The following EXTL3 variants were observed in gnomAD, a reference collection of about 807,000 sequenced individuals.
The protein encoded by EXTL3 is exostosin-like 3.
In EXTL3, 27 loss-of-function variants were observed where a neutral mutation model predicts 69.3. That is an observed-to-expected ratio of 0.39 (90% CI 0.29 to 0.54). The LOEUF (loss-of-function observed/expected upper bound fraction) is 0.54. EXTL3 is among the 20% of genes least tolerant of loss of function. The pLI is 0.69. For synonymous variants in EXTL3, 511 were observed against 499.4 expected (o/e 1.02, Z -0.31); for missense variants, 1,003 against 1,231.8 (o/e 0.81, Z 2.78).
chr8:28,710,714 T>A (rs1007300707), intron 1 of EXTL3, among the ~76,000 whole-genome samples: 21 of 151,416 alleles, frequency 1.4e-4, no homozygotes, highest in African/African-American at 3.9e-4. Flanking sequence ...CTGGCTAATT[T>A]AAATTTTTTT....
chr8:28,725,543 A>C (rs1162139520), intron 3 of EXTL3, among the ~76,000 whole-genome samples: 1 of 152,238 alleles, frequency 6.6e-6, no homozygotes, highest in East Asian at 1.9e-4. Context: ...ATATTCTGTA[A>C]ATAGAATGGC....
chr8:28,618,176 G>C (rs559489607), upstream of EXTL3, among the ~76,000 whole-genome samples: 3 of 151,978 alleles, frequency 2.0e-5, no homozygotes, highest in Admixed American at 1.3e-4. Context: ...TAATAAAAAA[G>C]ACAGTGAAGC....
At position 28,717,696 on chromosome 8, in the gene EXTL3, G is replaced by C. The variant is rs143705855; in HGVS notation, c.1637G>C (p.Arg546Pro). The change falls in exon 3 of 7, where the codon CGG becomes CCG. Residue 546 changes from arginine (R) to proline (P), a missense_variant. Arg to Pro is a moderately radical substitution (Grantham distance 103). Coordinates refer to ENST00000220562, the MANE Select transcript of EXTL3 (RefSeq NM_001440.4). The surrounding 1 kb of genome is among the most constrained non-coding windows in gnomAD (Gnocchi z 8.3). Reference sequence around the variant, plus strand: ...ATCCAGATCCCAGCCGCTCCCATCCGGGAAGAGGCGGCAGCTGAGATCCCC... The same window carrying C: ...ATCCAGATCCCAGCCGCTCCCATCCCGGAAGAGGCGGCAGCTGAGATCCCC... ...TRIQIPAAPIREEAAAEIPHR... is the reference protein window; with the variant it reads ...TRIQIPAAPIPEEAAAEIPHR... The C allele has an allele frequency of 6.2e-7, 1 of 1,614,210 alleles. No individual in the cohort carries two copies. Among genetic ancestry groups the C allele is most frequent in the Non-Finnish European group, 8.5e-7 (1 of 1,180,038 alleles).
At chr8:28,720,570 G>T (rs1198942749) in intron 3 of EXTL3, among the ~76,000 whole-genome samples, 1 of 152,168 alleles carries the variant, frequency 6.6e-6, no homozygotes, top group Non-Finnish European at 1.5e-5. Flanking sequence ...TGCATAAAAA[G>T]ATCTAGCTTA....
In EXTL3 at chr8:28,743,198, G is replaced by A. The variant is rs1253956158; in HGVS notation, c.2534G>A (p.Arg845Gln). 24 of 1,614,048 alleles carry A rather than the reference G, an allele frequency of 1.5e-5. No homozygotes were observed. Among genetic ancestry groups the A allele is most frequent in the Non-Finnish European group, 1.9e-5 (22 of 1,180,026 alleles). Residue 845 changes from arginine to glutamine, a missense_variant, in exon 6 of 7, where the codon CGG (arginine) becomes CAG (glutamine). Around this residue, in one of 2 missense-constraint regions of EXTL3, gnomAD observed 261 missense variants for 416.4 expected, o/e 0.63. Transcript: ENST00000220562. ...AMNFLVSHITRKPPIKVTSRW... is the reference protein window; with the variant it reads ...AMNFLVSHITQKPPIKVTSRW... ...AACTTCCTTGTCTCCCACATCACTC[G>A]GAAGCCCCCCATCAAGGTGAGGTCC...
At chr8:28,671,618 C>T (rs1311560664) in intron 1 of EXTL3, among the ~76,000 whole-genome samples, 1 of 152,154 alleles carries the variant, frequency 6.6e-6, no homozygotes, top group Non-Finnish European at 1.5e-5. Context: ...GGATTACAGG[C>T]ATGAGCCTCC....
chr8:28,650,420 C>T (rs1388892789), intron 1 of EXTL3, among the ~76,000 whole-genome samples: 2 of 151,572 alleles, frequency 1.3e-5, no homozygotes, highest in African/African-American at 2.4e-5. Context: ...TGCAGTGGCG[C>T]GATATCAGCT....
At chr8:28,695,944 G>A (rs551944137) in intron 1 of EXTL3, among the ~76,000 whole-genome samples, 2 of 152,004 alleles carry the variant, frequency 1.3e-5, no homozygotes, top group East Asian at 1.9e-4. Context: ...TTAAGACATG[G>A]TCTCGCTTTG....
Position 28,737,789 on chromosome 8 carries a change from G to T in EXTL3, c.2421+126G>T. The stretch of plus-strand genomic sequence containing the variant: ...CATGTTTCTTTTGTGCTAGAAGTCA[G>T]TTTTTTCTATTTTTACAGACAATGA... On this transcript the variant is annotated intron_variant, in intron 5 of 6. Transcript: ENST00000220562. The T allele has an allele frequency of 1.6e-5, 18 of 1,124,560 alleles. No individual in the cohort carries two copies. The South Asian group carries it at 2.1e-4, about 13-fold the overall frequency. 69.7% of individuals were successfully genotyped at this position (1,124,560 alleles called of 1,614,324 possible). A position where few individuals can be genotyped will look rare whatever the true frequency, so the allele number is the denominator to read the frequency against.
At position 28,683,595 on chromosome 8, in the gene EXTL3, A is replaced by G. The variant is rs188739456; in HGVS notation, c.-52-29862A>G. On this transcript the variant is annotated intron_variant, in intron 1 of 6. Coordinates refer to the EXTL3 transcript ENST00000523149. ...TTTGGGAGGCCGAGGCAGGTGGATCACAAGGTCAGGAGATCGAGACCATCC... is the reference window on the plus strand; with the variant it reads ...TTTGGGAGGCCGAGGCAGGTGGATCGCAAGGTCAGGAGATCGAGACCATCC... Among the ~76,000 whole-genome samples the G allele has an allele frequency of 5.9e-5, 9 of 152,302 alleles. No individual in the cohort carries two copies. In the East Asian group the frequency reaches 1.7e-3, roughly 29 times the overall value.
intron 1 of EXTL3, among the ~76,000 whole-genome samples, chr8:28,712,078 G>A: frequency 6.6e-6 from 1 of 152,150 alleles, no homozygotes; most frequent in Non-Finnish European, 1.5e-5. Context: ...AAATCAGTGG[G>A]TCGGTGCCAG....
intron 1 of EXTL3, among the ~76,000 whole-genome samples, chr8:28,658,613 C>T (rs1807053410): frequency 6.6e-6 from 1 of 152,024 alleles, no homozygotes; most frequent in South Asian, 2.1e-4. Context: ...TTTGAGCTCG[C>T]TCTGTCGCCC....
At chr8:28,641,921 T>C (rs1446350108) in intron 1 of EXTL3, among the ~76,000 whole-genome samples, 2 of 152,128 alleles carry the variant, frequency 1.3e-5, no homozygotes, top group East Asian at 3.9e-4. Context: ...CTGCAAGCTC[T>C]GCCTCCCGGG....
At chr8:28,668,863 C>CTTTTTTTT (rs1563442051) in intron 1 of EXTL3, among the ~76,000 whole-genome samples, 4 of 37,524 alleles carry the variant, frequency 1.1e-4, no homozygotes, top group Admixed American at 6.6e-4. Flanking sequence ...TTGATAGAAT[C>CTTTTTTTT]TCTTTTTTTT....
At chr8:28,633,385 G>T (rs1011873032) in intron 1 of EXTL3, among the ~76,000 whole-genome samples, 5 of 151,942 alleles carry the variant, frequency 3.3e-5, no homozygotes, top group African/African-American at 1.2e-4. Flanking sequence ...AGGTGTGGTG[G>T]CTCACTCCTG....
At chr8:28,632,221 A>G (rs547215837) in intron 1 of EXTL3, among the ~76,000 whole-genome samples, 2 of 152,224 alleles carry the variant, frequency 1.3e-5, no homozygotes, top group South Asian at 4.2e-4. Context: ...AGCCTGACCA[A>G]CATGGTGAAA....
chr8:28,746,405 A>G (rs1222321687), intron 6 of EXTL3, among the ~76,000 whole-genome samples: 1 of 152,174 alleles, frequency 6.6e-6, no homozygotes, highest in Non-Finnish European at 1.5e-5. Flanking sequence ...GCCGAAATGC[A>G]AGTGAACGTC....
chr8:28,671,460 C>T (rs770870915), intron 1 of EXTL3, among the ~76,000 whole-genome samples: 1 of 151,810 alleles, frequency 6.6e-6, no homozygotes, highest in Non-Finnish European at 1.5e-5. Flanking sequence ...GTGCTTCAAC[C>T]TCTGGAGTAG....
chr8:28,729,389 T>G (rs920939716), intron 3 of EXTL3, among the ~76,000 whole-genome samples: 1 of 149,102 alleles, frequency 6.7e-6, no homozygotes, highest in Non-Finnish European at 1.5e-5. Flanking sequence ...GAGGTCAGGA[T>G]TTCAAGACCA....
Sources: gnomAD v4.1 joint callset for allele counts (sites outside exome capture counted in the v4.1 genomes callset) on GRCh38, gnomAD v4.1.1 for gene constraint, gnomAD v4.1.1 regional missense constraint, Gnocchi (gnomAD v3.1) non-coding constraint, MANE v1.5 for transcripts, NCBI Gene and HGNC (gene_info 2026-07-23, HGNC 2026-07-21) for gene names.